The following TMEM117 variants were observed in gnomAD, a reference collection of about 807,000 sequenced individuals.
TMEM117 encodes transmembrane protein 117.
In TMEM117, 27 loss-of-function variants were observed where a neutral mutation model predicts 52.4. The ratio of observed to expected loss-of-function variants is 0.51; its 90% CI spans 0.38 to 0.71. The LOEUF is 0.71. Ranked by LOEUF, TMEM117 falls within the 30% of genes least tolerant of loss-of-function variation. TMEM117 has a pLI of 0.00. For synonymous variants in TMEM117, 215 were observed against 206.3 expected, an observed-to-expected ratio of 1.04 and a Z score of -0.36; for missense variants, 556 against 630.5, an observed-to-expected ratio of 0.88 and a Z score of 1.26.
At chr12:44,254,564 A>G (rs1950234998) in intron 5 of TMEM117, among the ~76,000 whole-genome samples, 1 of 152,086 alleles carries the variant, frequency 6.6e-6, no homozygotes, top group Non-Finnish European at 1.5e-5. Flanking sequence ...AATAAATTTT[A>G]TAATATGGAA....
At chr12:44,177,335 C>T (rs944571293) in intron 4 of TMEM117, among the ~76,000 whole-genome samples, 2 of 152,182 alleles carry the variant, frequency 1.3e-5, no homozygotes, top group African/African-American at 4.8e-5. Flanking sequence ...ACTGTTATAG[C>T]TCATTGAAGG....
the TMEM117 span, chr12:43,798,439 G>T: frequency 1.2e-6 from 1 of 829,404 alleles, no homozygotes; most frequent in Non-Finnish European, 1.8e-6. Context: ...CTAGTAGAGA[G>T]TCTCATTCGC....
At position 44,203,901 on chromosome 12, in the gene TMEM117, C is replaced by G. The variant is rs78896538; in HGVS notation, c.511-7389C>G. Among the ~76,000 whole-genome samples, 354 of 152,226 alleles carry G rather than the reference C, an allele frequency of 2.3e-3. 12 individuals are homozygous for G. In the East Asian group the frequency reaches 0.035, roughly 15 times the overall value. On this transcript the variant is annotated intron_variant, in intron 4 of 7. Transcript: ENST00000266534. ...TTGATATTAGAGTATGTGTCATGTG[C>G]AGCTGAGAATAATGTATATTCTGTA...
chr12:43,888,543 C>CTTTTTTTT (rs147186370), intron 2 of TMEM117, among the ~76,000 whole-genome samples: 1 of 92,202 alleles, frequency 1.1e-5, no homozygotes, highest in African/African-American at 3.8e-5. Context: ...CATTAGTTTT[C>CTTTTTTTT]TTTTTTTTTT....
At chr12:44,303,275 C>A (rs1247435362) in intron 6 of TMEM117, among the ~76,000 whole-genome samples, 15 of 151,968 alleles carry the variant, frequency 9.9e-5, no homozygotes, top group Non-Finnish European at 2.2e-4. Context: ...TCCCGAACTC[C>A]CAACCTCAGG....
intron 5 of TMEM117, among the ~76,000 whole-genome samples, chr12:44,290,452 A>G (rs1950690722): frequency 6.6e-6 from 1 of 152,174 alleles, no homozygotes; most frequent in Non-Finnish European, 1.5e-5. Flanking sequence ...ATTTATCACA[A>G]TGCCATTCTC....
In TMEM117 at chr12:43,860,810, A is replaced by G. The variant is rs544180477; in HGVS notation, c.277+15882A>G. On this transcript the variant is annotated intron_variant, in intron 2 of 7. Coordinates refer to ENST00000266534, the MANE Select transcript of TMEM117 (RefSeq NM_032256.3). ...TTAAGTAAAAGGGAGACACCAATAA[A>G]CATATAAATCCGTATAGCTTTATTT... Among the ~76,000 whole-genome samples the G allele has an allele frequency of 3.3e-4, 50 of 152,330 alleles. No homozygotes were observed. The South Asian group carries it at 3.3e-3, about 10-fold the overall frequency.
At chr12:44,391,935 C>G (rs908851779), downstream of TMEM117, among the ~76,000 whole-genome samples, 2 of 152,176 alleles carry the variant, frequency 1.3e-5, no homozygotes, top group African/African-American at 4.8e-5. Flanking sequence ...CTTTGTCCCT[C>G]AGAACCCAAC....
At chr12:44,158,449 CAT>C (rs1948856348) in intron 4 of TMEM117, among the ~76,000 whole-genome samples, 1 of 152,118 alleles carries the variant, frequency 6.6e-6, no homozygotes, top group African/African-American at 2.4e-5. Context: ...CCTTTGTCAA[CAT>C]AAAGGCGAGA....
intron 3 of TMEM117, among the ~76,000 whole-genome samples, chr12:44,132,733 G>GTAAATGACA (rs1454360777): frequency 6.6e-6 from 1 of 151,870 alleles, no homozygotes; most frequent in Non-Finnish European, 1.5e-5. Flanking sequence ...CATTGTCATT[G>GTAAATGACA]TAGTAAATTT....
At chr12:44,341,959 A>G (rs1046658531) in intron 6 of TMEM117, among the ~76,000 whole-genome samples, 4 of 152,092 alleles carry the variant, frequency 2.6e-5, no homozygotes, top group Non-Finnish European at 5.9e-5. Context: ...AGCTAAGCGT[A>G]TTGTCAGATC....
chr12:44,254,649 GAT>G (rs202150637), intron 5 of TMEM117, among the ~76,000 whole-genome samples: 9,065 of 149,458 alleles, frequency 0.061, 342 homozygotes, highest in African/African-American at 0.11. Flanking sequence ...GAAAGTACCA[GAT>G]ATATATATAT....
At chr12:43,815,540 C>A in the TMEM117 span, among the ~76,000 whole-genome samples, 5 of 152,030 alleles carry the variant, frequency 3.3e-5, no homozygotes, top group African/African-American at 1.2e-4. Context: ...GGCAGCCTGG[C>A]GATAAAATAC....
intron 5 of TMEM117, among the ~76,000 whole-genome samples, chr12:44,215,191 A>G (rs1215914492): frequency 3.3e-5 from 5 of 152,226 alleles, no homozygotes; most frequent in Non-Finnish European, 7.3e-5. Context: ...GAGCAGCACA[A>G]CATGTAATTT....
intron 2 of TMEM117, among the ~76,000 whole-genome samples, chr12:43,850,702 T>G (rs1943291840): frequency 6.6e-6 from 1 of 152,190 alleles, no homozygotes. Flanking sequence ...CATGCAATGA[T>G]AGGGAAAATA....
At chr12:44,237,042 T>G (rs2138469177) in intron 5 of TMEM117, among the ~76,000 whole-genome samples, 1 of 152,224 alleles carries the variant, frequency 6.6e-6, no homozygotes, top group South Asian at 2.1e-4. Flanking sequence ...CAAGCAGAAC[T>G]AGGCTTCCTT....
At chr12:43,996,056 G>A (rs1331510528) in intron 3 of TMEM117, among the ~76,000 whole-genome samples, 1 of 151,736 alleles carries the variant, frequency 6.6e-6, no homozygotes, top group Non-Finnish European at 1.5e-5. Flanking sequence ...TATAGGTAAT[G>A]TTAAAAAAAA....
chr12:44,286,771 A>C (rs879919501), intron 5 of TMEM117, among the ~76,000 whole-genome samples: 2 of 152,204 alleles, frequency 1.3e-5, no homozygotes, highest in Non-Finnish European at 2.9e-5. Context: ...ATATATAATA[A>C]ACAATTGAGT....
At chr12:43,876,750 A>G (rs1284307515) in intron 2 of TMEM117, among the ~76,000 whole-genome samples, 1 of 152,204 alleles carries the variant, frequency 6.6e-6, no homozygotes, top group African/African-American at 2.4e-5. Flanking sequence ...TCTGATATAT[A>G]GATACTCAGT....
Sources: gnomAD v4.1 joint callset for allele counts (sites outside exome capture counted in the v4.1 genomes callset) on GRCh38, gnomAD v4.1.1 for gene constraint, MANE v1.5 for transcripts, NCBI Gene and HGNC (gene_info 2026-07-23, HGNC 2026-07-21) for gene names.